The following KANK1 variants were observed in gnomAD, a reference collection of about 807,000 sequenced individuals.
KANK1 encodes the protein KN motif and ankyrin repeat domain-containing protein 1.
A neutral mutation model predicts 106.2 loss-of-function variants in KANK1; 109 were observed. The observed-to-expected ratio is 1.03, with a 90% CI of 0.88 to 1.20. The LOEUF is 1.20. Ranked by LOEUF, KANK1 falls within the 50% of genes most tolerant of loss-of-function variation. The probability of loss-of-function intolerance (pLI) is 0.00; values close to 1 mark genes in which losing one functional copy is unlikely to be tolerated. For missense variants in KANK1, 2,399 were observed against 1,710.7 expected, an observed-to-expected ratio of 1.40 and a Z score of -7.10; for synonymous variants, 873 against 652.2, an observed-to-expected ratio of 1.34 and a Z score of -5.16.
chr9:618,208 C>G (rs904414433), intron 1 of KANK1, among the ~76,000 whole-genome samples: 1 of 152,048 alleles, frequency 6.6e-6, no homozygotes, highest in African/African-American at 2.4e-5. Flanking sequence ...TTCCAGATCA[C>G]ATTTATTTAT....
chr9:640,785 C>A (rs1486499371), intron 1 of KANK1, among the ~76,000 whole-genome samples: 1 of 151,662 alleles, frequency 6.6e-6, no homozygotes, highest in African/African-American at 2.4e-5. Flanking sequence ...CAAGCTCTGC[C>A]TGCCGGGTCC....
At chr9:509,220 C>G (rs1161249810) in intron 1 of KANK1, among the ~76,000 whole-genome samples, 1 of 152,142 alleles carries the variant, frequency 6.6e-6, no homozygotes, top group African/African-American at 2.4e-5. Context: ...GCCTCAGCCT[C>G]CCGATTAGCT....
At chr9:660,639 A>G (rs1354845404) in intron 1 of KANK1, among the ~76,000 whole-genome samples, 6 of 152,174 alleles carry the variant, frequency 3.9e-5, no homozygotes, top group Admixed American at 2.6e-4. Context: ...ACGTCTGGCC[A>G]GAAGCTCCTC....
chr9:543,022 T>C (rs1024287256), intron 1 of KANK1, among the ~76,000 whole-genome samples: 1 of 152,174 alleles, frequency 6.6e-6, no homozygotes, highest in Non-Finnish European at 1.5e-5. Flanking sequence ...AGAGATTAGC[T>C]CTCAAATGTT....
chr9:531,474 G>A (rs1390638007), intron 1 of KANK1, among the ~76,000 whole-genome samples: 4 of 152,124 alleles, frequency 2.6e-5, no homozygotes, highest in Non-Finnish European at 4.4e-5. Context: ...GATCAAGATC[G>A]GCTTACAAAT....
At chr9:741,225 G>A (rs1006605877) in intron 9 of KANK1, among the ~76,000 whole-genome samples, 2 of 148,642 alleles carry the variant, frequency 1.3e-5, no homozygotes, top group Non-Finnish European at 3.0e-5. Flanking sequence ...AAATGATTGC[G>A]CATCCCCATC....
intron 2 of KANK1, among the ~76,000 whole-genome samples, chr9:679,308 A>G (rs1399617060): frequency 6.6e-6 from 1 of 152,186 alleles, no homozygotes; most frequent in Non-Finnish European, 1.5e-5. Context: ...ACATACATAT[A>G]TGTGTGTATG....
intron 3 of KANK1, chr9:476,791 C>T (rs2058112613): frequency 6.6e-6 from 1 of 152,164 alleles, no homozygotes. Context: ...GTGTGTTAAA[C>T]ATCCATATTA....
chr9:572,563 ATT>A (rs1469789609), intron 1 of KANK1, among the ~76,000 whole-genome samples: 1 of 151,120 alleles, frequency 6.6e-6, no homozygotes, highest in African/African-American at 2.4e-5. Context: ...AAAAAAAAAA[ATT>A]TTTTTTGTAG....
intron 1 of KANK1, among the ~76,000 whole-genome samples, chr9:528,338 G>A (rs2059898800): frequency 6.6e-6 from 1 of 151,590 alleles, no homozygotes; most frequent in African/African-American, 2.4e-5. Flanking sequence ...AATGTTGGTG[G>A]TCCTTCTGGG....
At chr9:656,174 G>A (rs868705748) in intron 1 of KANK1, among the ~76,000 whole-genome samples, 1 of 152,194 alleles carries the variant, frequency 6.6e-6, no homozygotes, top group Non-Finnish European at 1.5e-5. Flanking sequence ...CCTGGGTTAG[G>A]GGTGAAGCCT....
intron 1 of KANK1, among the ~76,000 whole-genome samples, chr9:526,711 A>C (rs909748487): frequency 6.6e-6 from 1 of 151,790 alleles, no homozygotes; most frequent in African/African-American, 2.4e-5. Context: ...CCTCAGAGGA[A>C]TCTCTCATCT....
Position 712,646 on chromosome 9 carries a change from C to A in KANK1, c.1880C>A (p.Ser627Tyr), listed in dbSNP as rs373117346. 1.6e-5 allele frequency: 26 copies of A among 1,614,156 alleles called. No homozygotes were observed. Among genetic ancestry groups the A allele is most frequent in the Non-Finnish European group, 1.9e-5 (23 of 1,180,036 alleles). Residue 627 changes from serine (S) to tyrosine (Y), a missense_variant, in exon 3 of 12, where the codon TCT (serine) becomes TAT (tyrosine). Transcript: ENST00000382297. Reference protein sequence around the residue: ...KTNLNLKEVRSIGCGDCSVDV... With the variant: ...KTNLNLKEVRYIGCGDCSVDV... ...AACTTGAATCTCAAAGAAGTGCGGT[C>A]TATCGGTTGTGGAGATTGTTCTGTT...
chr9:660,914 G>C (rs1843150307), intron 1 of KANK1, among the ~76,000 whole-genome samples: 1 of 152,180 alleles, frequency 6.6e-6, no homozygotes, highest in South Asian at 2.1e-4. Context: ...CTAGCTAAGG[G>C]ATGTCCAAAC....
intron 3 of KANK1, among the ~76,000 whole-genome samples, chr9:719,476 G>T (rs556317335): frequency 6.6e-6 from 1 of 152,306 alleles, no homozygotes; most frequent in East Asian, 1.9e-4. Context: ...TGGTTAGTTA[G>T]CTGGCTACAC....
At chr9:520,591 G>T (rs1055917562) in intron 1 of KANK1, among the ~76,000 whole-genome samples, 7 of 151,754 alleles carry the variant, frequency 4.6e-5, no homozygotes, top group African/African-American at 1.5e-4. Flanking sequence ...TAACATAATG[G>T]AAGACTATAT....
At position 587,662 on chromosome 9, in the gene KANK1, T is replaced by G. The variant is rs188700189; in HGVS notation, c.-84+82908T>G. 1.6e-3 allele frequency among the ~76,000 whole-genome samples: 250 copies of G among 152,356 alleles called. 1 individual carries two copies. The highest frequency in any genetic ancestry group is 3.0e-3 in the Non-Finnish European group (202 of 68,032). On this transcript the variant is annotated intron_variant, in intron 1 of 11. Coordinates refer to ENST00000382297, the MANE Select transcript of KANK1 (RefSeq NM_015158.5). ...TTTTTGCAACTTGAGTAACATTTAT[T>G]ACATGCTTGTGCTGTGCCAAGCTAA...
chr9:540,307 C>T (rs116018686), intron 1 of KANK1, among the ~76,000 whole-genome samples: 352 of 152,244 alleles, frequency 2.3e-3, no homozygotes, highest in African/African-American at 8.1e-3. Flanking sequence ...TTTTTATCCT[C>T]GATTTTGTTA....
intron 1 of KANK1, among the ~76,000 whole-genome samples, chr9:550,167 GCAGA>G (rs2061187355): frequency 7.2e-6 from 1 of 139,548 alleles, no homozygotes; most frequent in Admixed American, 6.8e-5. Flanking sequence ...GGATAAATAA[GCAGA>G]CAGTCTGTGG....
Sources: allele counts gnomAD v4.1 joint callset (sites outside exome capture counted in the v4.1 genomes callset), GRCh38; gene constraint gnomAD v4.1.1; transcripts MANE v1.5; gene names NCBI Gene and HGNC (gene_info 2026-07-23, HGNC 2026-07-21).